The following DLG2 variants were observed in gnomAD, a reference collection of about 807,000 sequenced individuals.
DLG2 encodes disks large homolog 2.
Under a neutral mutation model 132.5 loss-of-function variants are expected in DLG2, and 45 were observed. That is an observed-to-expected ratio of 0.34 (90% CI 0.27 to 0.44). The LOEUF (loss-of-function observed/expected upper bound fraction) is 0.44. DLG2 is among the 20% of genes least tolerant of loss of function. The pLI is 1.00. For synonymous variants in DLG2, 424 were observed against 419.6 expected, an observed-to-expected ratio of 1.01 and a Z score of -0.13; for missense variants, 1,045 against 1,196.9, an observed-to-expected ratio of 0.87 and a Z score of 1.87.
At chr11:84,778,558 A>G (rs1343783651) in intron 6 of DLG2, among the ~76,000 whole-genome samples, 1 of 152,196 alleles carries the variant, frequency 6.6e-6, no homozygotes, top group African/African-American at 2.4e-5. Context: ...CATGTTAACA[A>G]TATTAATTCT....
rs150404721 is a variant in DLG2 at position 85,493,874 on chromosome 11, A to C, written c.40+104783T>G. 3.9e-3 allele frequency among the ~76,000 whole-genome samples: 588 copies of C among 152,228 alleles called. 7 individuals carry two copies. The highest frequency in any genetic ancestry group is 0.012 in the African/African-American group (510 of 41,540). On this transcript the variant is annotated intron_variant, in intron 3 of 27. Coordinates refer to ENST00000376104, the MANE Select transcript of DLG2 (RefSeq NM_001142699.3). ...AAGAAGAAAGGAAAGAAAGAAAAAG[A>C]AAAAGAAATTTATTTCTCATAGTTC...
intron 3 of DLG2, among the ~76,000 whole-genome samples, chr11:85,459,005 G>T (rs989599680): frequency 6.6e-6 from 1 of 152,150 alleles, no homozygotes; most frequent in Admixed American, 6.5e-5. Context: ...GCCCTGGATG[G>T]GGCACCTGTG....
chr11:83,859,932 G>T (rs558931547), intron 16 of DLG2, among the ~76,000 whole-genome samples: 1 of 152,190 alleles, frequency 6.6e-6, no homozygotes, highest in Non-Finnish European at 1.5e-5. Flanking sequence ...GGTAGAGCTT[G>T]GGCCACAGCT....
intron 6 of DLG2, among the ~76,000 whole-genome samples, chr11:85,074,057 C>G (rs2066207346): frequency 6.6e-6 from 1 of 151,718 alleles, no homozygotes; most frequent in Admixed American, 6.6e-5. Context: ...TATATGGACA[C>G]AATGCAAAGA....
At chr11:84,466,318 T>A (rs2099094210) in intron 7 of DLG2, among the ~76,000 whole-genome samples, 1 of 151,274 alleles carries the variant, frequency 6.6e-6, no homozygotes, top group South Asian at 2.1e-4. Flanking sequence ...TGCAAACATA[T>A]GTGCTCAATA....
At chr11:84,174,526 T>TA (rs915457714) in intron 8 of DLG2, among the ~76,000 whole-genome samples, 9 of 152,336 alleles carry the variant, frequency 5.9e-5, no homozygotes, top group African/African-American at 1.9e-4. Flanking sequence ...TAATGCCACA[T>TA]ACGCTGCCTT....
At chr11:83,789,113 A>G (rs1248961746) in intron 17 of DLG2, among the ~76,000 whole-genome samples, 2 of 152,236 alleles carry the variant, frequency 1.3e-5, no homozygotes. Context: ...CTAAGAAATA[A>G]TTTAGAAAAA....
intron 4 of DLG2, among the ~76,000 whole-genome samples, chr11:85,208,833 T>C (rs997980118): frequency 6.6e-5 from 10 of 152,020 alleles, no homozygotes; most frequent in African/African-American, 2.2e-4. Flanking sequence ...ATAATCTAAA[T>C]GGGCAATTGC....
At chr11:84,127,844 G>A (rs1168049785) in intron 9 of DLG2, among the ~76,000 whole-genome samples, 2 of 152,092 alleles carry the variant, frequency 1.3e-5, no homozygotes, top group East Asian at 1.9e-4. Flanking sequence ...CCACCCTAAT[G>A]ACCTCATCTT....
At chr11:84,956,168 C>T (rs986165721) in intron 6 of DLG2, among the ~76,000 whole-genome samples, 3 of 152,186 alleles carry the variant, frequency 2.0e-5, no homozygotes, top group Non-Finnish European at 1.5e-5. Flanking sequence ...CAATCCCAGA[C>T]ACTTAAGTTG....
At chr11:85,292,752 G>C (rs1345595134) in intron 3 of DLG2, among the ~76,000 whole-genome samples, 2 of 129,324 alleles carry the variant, frequency 1.5e-5, no homozygotes, top group Admixed American at 8.0e-5. Flanking sequence ...GGAAAAGAAA[G>C]AGAAGAGAGG....
intron 11 of DLG2, among the ~76,000 whole-genome samples, chr11:83,995,126 T>C (rs2093956503): frequency 6.6e-6 from 1 of 152,206 alleles, no homozygotes; most frequent in Non-Finnish European, 1.5e-5. Context: ...AACATCTTTT[T>C]CAGGGACGCA....
intron 6 of DLG2, among the ~76,000 whole-genome samples, chr11:85,031,003 C>A (rs575686571): frequency 1.3e-5 from 2 of 151,938 alleles, no homozygotes; most frequent in African/African-American, 4.8e-5. Context: ...AGGTTTGTTA[C>A]ATGAGTATAT....
chr11:84,097,419 C>T (rs1201356036), intron 10 of DLG2, among the ~76,000 whole-genome samples: 1 of 152,084 alleles, frequency 6.6e-6, no homozygotes, highest in Non-Finnish European at 1.5e-5. Flanking sequence ...TTCCCCTTAC[C>T]CTTGACGTTT....
intron 11 of DLG2, among the ~76,000 whole-genome samples, chr11:83,999,806 A>G (rs1323639675): frequency 6.6e-6 from 1 of 152,164 alleles, no homozygotes; most frequent in East Asian, 1.9e-4. Context: ...ATTGCACACA[A>G]CAAGAATCAA....
chr11:84,063,372 G>T (rs4943886), intron 10 of DLG2, among the ~76,000 whole-genome samples: 120,745 of 151,956 alleles, frequency 0.79, 49,194 homozygotes, highest in Middle Eastern at 0.92. Context: ...TAGTCTATCG[G>T]TAGCCCGTAT....
chr11:84,054,996 GA>G (rs561837822), intron 11 of DLG2, among the ~76,000 whole-genome samples: 87 of 151,892 alleles, frequency 5.7e-4, no homozygotes, highest in Middle Eastern at 3.4e-3. Flanking sequence ...TAATAAAAAG[GA>G]AAAAAGTCAA....
chr11:84,873,185 G>T (rs912753355), intron 6 of DLG2, among the ~76,000 whole-genome samples: 1 of 152,148 alleles, frequency 6.6e-6, no homozygotes, highest in African/African-American at 2.4e-5. Flanking sequence ...GTAATCACAA[G>T]GGCCTTTATA....
intron 15 of DLG2, among the ~76,000 whole-genome samples, chr11:83,887,218 G>A (rs905635734): frequency 2.0e-5 from 3 of 151,790 alleles, no homozygotes; most frequent in African/African-American, 7.3e-5. Context: ...TAATAAAGAA[G>A]AAAAGAGAGA....
Sources: gnomAD v4.1 joint callset for allele counts (sites outside exome capture counted in the v4.1 genomes callset) on GRCh38, gnomAD v4.1.1 for gene constraint, MANE v1.5 for transcripts, NCBI Gene and HGNC (gene_info 2026-07-23, HGNC 2026-07-21) for gene names.